The following ZNF184 variants were observed in gnomAD, a reference collection of about 807,000 sequenced individuals.
ZNF184 encodes the protein zinc finger protein 184, also known as zinc finger protein 184 (Kruppel-like).
A neutral mutation model predicts 54.4 loss-of-function variants in ZNF184; 16 were observed. The ratio of observed to expected loss-of-function variants is 0.29; its 90% CI spans 0.20 to 0.45. The LOEUF (loss-of-function observed/expected upper bound fraction) is 0.45. ZNF184 is among the 20% of genes least tolerant of loss of function. ZNF184 has a pLI of 1.00. For missense variants in ZNF184, 681 were observed against 888.2 expected, an observed-to-expected ratio of 0.77 and a Z score of 2.97; for synonymous variants, 254 against 295.3, an observed-to-expected ratio of 0.86 and a Z score of 1.43.
chr6:27,424,246 T>C, the ZNF184 span, among the ~76,000 whole-genome samples: 81 of 152,334 alleles, frequency 5.3e-4, 1 homozygote, highest in South Asian at 0.014. Flanking sequence ...GGAATAACGC[T>C]GCAGACTTTT....
At chr6:27,425,037 G>A in the ZNF184 span, among the ~76,000 whole-genome samples, 2 of 152,200 alleles carry the variant, frequency 1.3e-5, no homozygotes, top group Admixed American at 6.5e-5. Context: ...ACTGCTGGGG[G>A]ACCCAGTACA....
chr6:27,468,048 C>CA (rs1561843346), intron 2 of ZNF184, 128 bp from the exon 3 acceptor site: 2 of 797,656 alleles, frequency 2.5e-6, no homozygotes, highest in Non-Finnish European at 3.7e-6. Context: ...TTTTAGAATG[C>CA]AAAAAAAGTT....
the ZNF184 span, chr6:27,408,134 G>A: frequency 1.5e-6 from 1 of 667,160 alleles, no homozygotes; most frequent in Admixed American, 2.1e-5. Context: ...TTGTTACACT[G>A]GGGTGAGAAG....
chr6:27,439,157 C>G, the ZNF184 span, among the ~76,000 whole-genome samples: 1 of 152,144 alleles, frequency 6.6e-6, no homozygotes, highest in African/African-American at 2.4e-5. Flanking sequence ...TTCATAAGTA[C>G]TTTAAATTTT....
rs968928134 is a variant in ZNF184 at position 27,453,633 on chromosome 6, C to T, written c.299-373G>A. ...CTAATAAACAACAAAACAAAAAATC[C>T]AAGAACCATGATTTAAAGACAGAAC... On this transcript the variant is annotated intron_variant, in intron 5 of 5. Coordinates refer to ENST00000683788, the MANE Select transcript of ZNF184 (RefSeq NM_001318891.2). This position sits in a 1 kb window ranked among gnomAD's most constrained non-coding sequence, Gnocchi z 4.7. 2.6e-5 allele frequency among the ~76,000 whole-genome samples: 4 copies of T among 152,090 alleles called. No individual in the cohort carries two copies. Among genetic ancestry groups the T allele is most frequent in the African/African-American group, 9.7e-5 (4 of 41,404 alleles).
chr6:27,417,160 C>T, the ZNF184 span, among the ~76,000 whole-genome samples: 4 of 152,162 alleles, frequency 2.6e-5, no homozygotes, highest in Non-Finnish European at 4.4e-5. Context: ...GAAAAAAACA[C>T]TTCCAAAATG....
chr6:27,412,907 G>C, the ZNF184 span, among the ~76,000 whole-genome samples: 1 of 152,170 alleles, frequency 6.6e-6, no homozygotes, highest in African/African-American at 2.4e-5. Context: ...TATGGCAAAG[G>C]ATATGAAGGA....
chr6:27,431,041 G>A, the ZNF184 span, among the ~76,000 whole-genome samples: 9 of 151,838 alleles, frequency 5.9e-5, no homozygotes, highest in African/African-American at 2.2e-4. Flanking sequence ...GAGATGCAGT[G>A]AAGAAAATAA....
At chr6:27,423,140 GA>G in the ZNF184 span, among the ~76,000 whole-genome samples, 2 of 152,176 alleles carry the variant, frequency 1.3e-5, no homozygotes, top group African/African-American at 4.8e-5. Flanking sequence ...ACAATTCCCA[GA>G]AATCTCCGAG....
chr6:27,411,751 C>A, the ZNF184 span, among the ~76,000 whole-genome samples: 3 of 152,234 alleles, frequency 2.0e-5, no homozygotes, highest in African/African-American at 7.2e-5. Context: ...AGTAGAACAT[C>A]TTCAAAATAA....
chr6:27,424,194 G>A, the ZNF184 span, among the ~76,000 whole-genome samples: 6 of 152,178 alleles, frequency 3.9e-5, no homozygotes, highest in Non-Finnish European at 7.3e-5. Flanking sequence ...AAGGCACCGC[G>A]TCTGGAGTTG....
At chr6:27,420,917 G>C in the ZNF184 span, among the ~76,000 whole-genome samples, 2 of 152,146 alleles carry the variant, frequency 1.3e-5, no homozygotes, top group Non-Finnish European at 2.9e-5. Context: ...GTGCTAAAAA[G>C]AAATGAGCTA....
chr6:27,424,678 A>G, the ZNF184 span, among the ~76,000 whole-genome samples: 1 of 152,286 alleles, frequency 6.6e-6, no homozygotes, highest in South Asian at 2.1e-4. Flanking sequence ...CCAGATACAG[A>G]GTGCCGATTG....
the ZNF184 span, among the ~76,000 whole-genome samples, chr6:27,439,403 C>T: frequency 2.0e-4 from 30 of 152,312 alleles, 1 homozygote; most frequent in East Asian, 5.4e-3. Flanking sequence ...TTCATCCCCC[C>T]GGGACATGAA....
At chr6:27,434,233 T>A in the ZNF184 span, among the ~76,000 whole-genome samples, 2 of 152,180 alleles carry the variant, frequency 1.3e-5, no homozygotes, top group Non-Finnish European at 2.9e-5. Context: ...CCTGTTTAAC[T>A]TTTTTGAGGA....
chr6:27,445,721 C>CAAAAAAAAAAAAAAAAAA, the ZNF184 span, among the ~76,000 whole-genome samples: 1 of 129,222 alleles, frequency 7.7e-6, no homozygotes, highest in Non-Finnish European at 1.6e-5. Flanking sequence ...TCTGTTATAG[C>CAAAAAAAAAAAAAAAAAA]AAAAAAAAAA....
intron 5 of ZNF184, among the ~76,000 whole-genome samples, chr6:27,455,397 C>G (rs932513714): frequency 6.6e-6 from 1 of 152,070 alleles, no homozygotes; most frequent in Non-Finnish European, 1.5e-5. Context: ...TTTGAAAAGC[C>G]TAAGTTTTTC....
the ZNF184 span, among the ~76,000 whole-genome samples, chr6:27,410,427 G>A: frequency 6.6e-6 from 1 of 152,208 alleles, no homozygotes; most frequent in Non-Finnish European, 1.5e-5. Context: ...TTATGGCAGA[G>A]GGTTCGTTGA....
chr6:27,472,159 T>G lies in ZNF184; in HGVS notation c.7+129A>C, dbSNP rs1763291844. 7.9e-7 allele frequency: 1 copy of G among 1,264,328 alleles called. No homozygotes were observed. Among genetic ancestry groups the G allele is most frequent in the African/African-American group, 1.5e-5 (1 of 66,684 alleles). 78.3% of individuals were successfully genotyped at this position (1,264,328 alleles called of 1,614,324 possible). ...TCTCCCTACAATGTAATTCGGTTTCTTTGCTAATCCCTAAGCATACCGTTC... is the reference window on the plus strand; with the variant it reads ...TCTCCCTACAATGTAATTCGGTTTCGTTGCTAATCCCTAAGCATACCGTTC... On this transcript the variant is annotated intron_variant, in intron 2 of 5. Coordinates refer to ENST00000683788, the MANE Select transcript of ZNF184 (RefSeq NM_001318891.2). The surrounding 1 kb of genome is among the most constrained non-coding windows in gnomAD (Gnocchi z 4.8).
Sources: gnomAD v4.1 joint callset for allele counts (sites outside exome capture counted in the v4.1 genomes callset) on GRCh38, gnomAD v4.1.1 for gene constraint, Gnocchi (gnomAD v3.1) non-coding constraint, MANE v1.5 for transcripts, NCBI Gene and HGNC (gene_info 2026-07-23, HGNC 2026-07-21) for gene names.